The following FBXO31 variants were observed in gnomAD, a reference collection of about 807,000 sequenced individuals.
FBXO31 encodes the protein F-box only protein 31.
FBXO31 carries 24 observed loss-of-function variants against 54.4 expected under a neutral mutation model. The observed-to-expected ratio is 0.44, with a 90% CI of 0.32 to 0.62. FBXO31 has a LOEUF of 0.62. Among genes scored for constraint, FBXO31 ranks in the 20% least tolerant of loss-of-function variants. The pLI, the probability that FBXO31 is intolerant of heterozygous loss-of-function variation, is 0.05. For synonymous variants in FBXO31, 388 were observed against 335.6 expected (o/e 1.16, Z -1.71); for missense variants, 665 against 787.1 (o/e 0.84, Z 1.86).
intron 2 of FBXO31, among the ~76,000 whole-genome samples, chr16:87,359,734 AC>A (rs761956755): frequency 2.0e-5 from 3 of 152,078 alleles, no homozygotes; most frequent in Admixed American, 6.6e-5. Flanking sequence ...CTGAAGAAAC[AC>A]CCGCGGGAAG....
chr16:87,334,313 G>GC, intron 7 of FBXO31, 27 bp from the exon 8 acceptor site: 1 of 1,540,538 alleles, frequency 6.5e-7, no homozygotes. Context: ...AGTCAGCAGG[G>GC]CTCAGGCCAG....
At chr16:87,341,527 G>A (rs890016501) in intron 5 of FBXO31, among the ~76,000 whole-genome samples, 2 of 151,972 alleles carry the variant, frequency 1.3e-5, no homozygotes, top group Admixed American at 6.5e-5. Flanking sequence ...ATGGTGGCAG[G>A]TGCCTCTAAG....
chr16:87,333,820 G>A lies in FBXO31; in HGVS notation c.1397+66C>T, dbSNP rs796417646. The A allele has an allele frequency of 2.0e-5, 31 of 1,517,540 alleles. No homozygotes were observed. The African/African-American group carries it at 3.7e-4, about 18-fold the overall frequency. The allele number at this position is 1,517,540 out of a possible 1,614,324, so 94.0% of individuals were successfully genotyped here. Reference sequence around the variant, plus strand: ...CCCTCTCCGCCTGTGCTAGGTGTGGGGCTGGGGCCCTCGCTGAAGCCCATG... The same window carrying A: ...CCCTCTCCGCCTGTGCTAGGTGTGGAGCTGGGGCCCTCGCTGAAGCCCATG... On this transcript the variant is annotated intron_variant, in intron 8 of 8. Transcript: ENST00000311635.
intron 1 of FBXO31, among the ~76,000 whole-genome samples, chr16:87,364,494 C>G (rs934329027): frequency 5.3e-5 from 8 of 152,174 alleles, no homozygotes; most frequent in Admixed American, 1.3e-4. Flanking sequence ...CCAGGAAGCA[C>G]CTGTCAATGT....
At position 87,338,061 on chromosome 16, in the gene FBXO31, A is replaced by G. The variant is rs1477437741; in HGVS notation, c.733-1797T>C. On this transcript the variant is annotated intron_variant, in intron 5 of 8. Coordinates refer to ENST00000311635, the MANE Select transcript of FBXO31 (RefSeq NM_024735.5). This position sits in a 1 kb window ranked among gnomAD's most constrained non-coding sequence, Gnocchi z 4.3. ...AGATTTCAATGTTACCGCTGTGAGT[A>G]CTGCGACTTCAACTTGACACCATCA... Among the ~76,000 whole-genome samples the G allele has an allele frequency of 6.6e-6, 1 of 152,194 alleles. No individual in the cohort carries two copies. The highest frequency in any genetic ancestry group is 6.5e-5 in the Admixed American group (1 of 15,290).
chr16:87,370,555 C>T (rs1159474927), intron 1 of FBXO31, among the ~76,000 whole-genome samples: 1 of 152,128 alleles, frequency 6.6e-6, no homozygotes, highest in Non-Finnish European at 1.5e-5. Flanking sequence ...GGCCGCCAGA[C>T]CCAGGGGAAT....
At chr16:87,377,369 C>T (rs1597379231) in intron 1 of FBXO31, among the ~76,000 whole-genome samples, 1 of 152,062 alleles carries the variant, frequency 6.6e-6, no homozygotes, top group Non-Finnish European at 1.5e-5. Flanking sequence ...TCATTTACGC[C>T]GGAGAAGTCA....
At chr16:87,368,530 C>G (rs960312669) in intron 1 of FBXO31, among the ~76,000 whole-genome samples, 4 of 152,170 alleles carry the variant, frequency 2.6e-5, no homozygotes, top group African/African-American at 4.8e-5. Context: ...CCAGCACGAC[C>G]TGTGCTGCCT....
chr16:87,347,132 C>G (rs1905423509), intron 3 of FBXO31, 42 bp downstream of exon 3: 1 of 1,572,076 alleles, frequency 6.4e-7, no homozygotes, highest in African/African-American at 1.3e-5. Flanking sequence ...AGGCACCACT[C>G]CTGCCCGTGC....
At chr16:87,368,124 C>A (rs1190565968) in intron 1 of FBXO31, among the ~76,000 whole-genome samples, 1 of 152,156 alleles carries the variant, frequency 6.6e-6, no homozygotes, top group African/African-American at 2.4e-5. Context: ...CTTGATAAAG[C>A]ATCCACAAAA....
chr16:87,358,915 C>T lies in FBXO31; in HGVS notation c.412+1380G>A, dbSNP rs945232413. Among the ~76,000 whole-genome samples, 6 of 152,194 alleles carry T rather than the reference C, an allele frequency of 3.9e-5. No individual in the cohort carries two copies. Among genetic ancestry groups the T allele is most frequent in the Non-Finnish European group, 7.3e-5 (5 of 68,034 alleles). On this transcript the variant is annotated intron_variant, in intron 2 of 8. Coordinates refer to ENST00000311635, the MANE Select transcript of FBXO31 (RefSeq NM_024735.5). This position sits in a 1 kb window ranked among gnomAD's most constrained non-coding sequence, Gnocchi z 4.0. ...CATACTCACTTTGCCCAGCACCCAC[C>T]TGGCGTTTCCCAGCCTGCTAACTCA...
chr16:87,384,870 A>G (rs981969448), upstream of FBXO31, among the ~76,000 whole-genome samples: 2 of 152,148 alleles, frequency 1.3e-5, no homozygotes, highest in African/African-American at 2.4e-5. Flanking sequence ...CAAAACAAAC[A>G]AAAAACAAAA....
intron 1 of FBXO31, among the ~76,000 whole-genome samples, chr16:87,389,166 T>C (rs1021364055): frequency 9.2e-5 from 14 of 151,766 alleles, no homozygotes; most frequent in African/African-American, 3.4e-4. Context: ...ACAATAGATA[T>C]ATATTATTTA....
chr16:87,365,010 A>AATATATATAT (rs55746745), intron 1 of FBXO31, among the ~76,000 whole-genome samples: 2,227 of 47,520 alleles, frequency 0.047, 434 homozygotes, highest in East Asian at 0.084. Context: ...CCGTCTCTTA[A>AATATATATAT]ATATATATAT....
intron 1 of FBXO31, among the ~76,000 whole-genome samples, chr16:87,364,876 G>C (rs1409465738): frequency 6.7e-6 from 1 of 150,366 alleles, no homozygotes; most frequent in Non-Finnish European, 1.5e-5. Context: ...ACAATAATTA[G>C]CCAGGCATGG....
At chr16:87,384,042 C>A (rs954882786), upstream of FBXO31, 3 of 182,406 alleles carry the variant, frequency 1.6e-5, no homozygotes, top group East Asian at 1.5e-4. Flanking sequence ...GAGGCTCGAA[C>A]TCACGACCTT....
chr16:87,375,245 T>C (rs1906773050), intron 1 of FBXO31, among the ~76,000 whole-genome samples: 1 of 152,074 alleles, frequency 6.6e-6, no homozygotes, highest in South Asian at 2.1e-4. Flanking sequence ...AGGCAGAGCT[T>C]GCAGTGAGCC....
In FBXO31 at chr16:87,327,097, G is replaced by A. The variant is rs1330458434; in HGVS notation, c.*4191C>T. Reference sequence around the variant, plus strand: ...TACCTAGTGGGTGCCTACCCAGGCAGGGCACAGCTCCTGCTGCAAGGTCAC... The same window carrying A: ...TACCTAGTGGGTGCCTACCCAGGCAAGGCACAGCTCCTGCTGCAAGGTCAC... On this transcript the variant is annotated 3_prime_UTR_variant, in exon 9 of 9. Coordinates refer to ENST00000311635, the MANE Select transcript of FBXO31 (RefSeq NM_024735.5). 6.6e-6 allele frequency: 1 copy of A among 152,386 alleles called. No individual in the cohort carries two copies. Among genetic ancestry groups the A allele is most frequent in the African/African-American group, 2.4e-5 (1 of 41,468 alleles). The allele number at this position is 152,386 out of a possible 1,614,324, so 9.4% of individuals were successfully genotyped here.
rs1164540929 is a variant in FBXO31 at position 87,333,956 on chromosome 16, C to G, written c.1327G>C (p.Gly443Arg). 1.2e-5 allele frequency: 19 copies of G among 1,612,536 alleles called. No homozygotes were observed. The Admixed American group carries it at 3.2e-4, about 27-fold the overall frequency. ...AAEQPAQCGQ[G>R]QPFVLPVGVS... The stretch of plus-strand genomic sequence containing the variant: ...CCCACGGGCAGCACGAACGGCTGCC[C>G]CTGCCCACACTGGGCAGGCTGCTCG... The change falls in exon 8 of 9, where the codon GGG becomes CGG. Residue 443 changes from glycine to arginine, a missense_variant. Physicochemically the swap from Gly to Arg is moderately radical, Grantham distance 125 (BLOSUM62 -2). Transcript: ENST00000311635.
Sources: allele counts gnomAD v4.1 joint callset (sites outside exome capture counted in the v4.1 genomes callset), GRCh38; gene constraint gnomAD v4.1.1; non-coding constraint Gnocchi (gnomAD v3.1); transcripts MANE v1.5; gene names NCBI Gene and HGNC (gene_info 2026-07-23, HGNC 2026-07-21).